The following CACNA1C variants were observed in gnomAD, a reference collection of about 807,000 sequenced individuals.
The protein encoded by CACNA1C is calcium voltage-gated channel subunit alpha1 C, also known as voltage-dependent L-type calcium channel subunit alpha-1C.
CACNA1C carries 30 observed loss-of-function variants against 229.0 expected under a neutral mutation model. That is an observed-to-expected ratio of 0.13 (90% CI 0.10 to 0.18). The LOEUF (loss-of-function observed/expected upper bound fraction) is 0.18, where lower values mean the gene tolerates loss of function less well. Among genes scored for constraint, CACNA1C ranks in the 10% least tolerant of loss-of-function variants. The pLI, the probability that CACNA1C is intolerant of heterozygous loss-of-function variation, is 1.00. For synonymous variants in CACNA1C, 1,114 were observed against 1,132.5 expected, an observed-to-expected ratio of 0.98 and a Z score of 0.33; for missense variants, 1,658 against 2,845.0, an observed-to-expected ratio of 0.58 and a Z score of 9.49.
At chr12:2,468,709 G>A (rs2099573561) in intron 5 of CACNA1C, among the ~76,000 whole-genome samples, 1 of 152,242 alleles carries the variant, frequency 6.6e-6, no homozygotes. Flanking sequence ...GGCAGGACCT[G>A]ATGGCAAATA....
intron 3 of CACNA1C, among the ~76,000 whole-genome samples, chr12:2,163,913 A>G (rs1399471619): frequency 1.3e-5 from 2 of 152,144 alleles, no homozygotes; most frequent in African/African-American, 2.4e-5. Flanking sequence ...AGCTGGAGTA[A>G]AAAGTTCACG....
intron 13 of CACNA1C, 106 bp downstream of exon 13, chr12:2,567,900 A>C (rs2052054642): frequency 3.1e-6 from 2 of 641,074 alleles, no homozygotes; most frequent in East Asian, 5.5e-5. Context: ...GTTCTTCCTC[A>C]AAGGGTGTCT....
intron 3 of CACNA1C, among the ~76,000 whole-genome samples, chr12:2,385,491 G>T (rs992033543): frequency 6.6e-6 from 1 of 152,084 alleles, no homozygotes; most frequent in Non-Finnish European, 1.5e-5. Flanking sequence ...CTACACCCAA[G>T]GGCAGCTAGG....
chr12:2,604,469 C>T (rs2074317004), intron 22 of CACNA1C, among the ~76,000 whole-genome samples: 1 of 152,114 alleles, frequency 6.6e-6, no homozygotes, highest in Non-Finnish European at 1.5e-5. Context: ...GAAATCTCCT[C>T]CCCATGACAT....
chr12:2,255,607 TGAC>T (rs1600903659), intron 3 of CACNA1C, among the ~76,000 whole-genome samples: 2 of 152,332 alleles, frequency 1.3e-5, no homozygotes, highest in East Asian at 3.9e-4. Flanking sequence ...ACTAAGTGTG[TGAC>T]AGTAAGCTGG....
In CACNA1C at chr12:2,300,437, A is replaced by G. The variant is rs377388555; in HGVS notation, c.478-148539A>G. 5.3e-5 allele frequency among the ~76,000 whole-genome samples: 8 copies of G among 152,230 alleles called. No homozygotes were observed. The South Asian group carries it at 1.5e-3, about 28-fold the overall frequency. ...GGAGTTTGAGACCAGCCTGGGCAACATGGTGAAATCCTGTCTCTACTAAAA... is the reference window on the plus strand; with the variant it reads ...GGAGTTTGAGACCAGCCTGGGCAACGTGGTGAAATCCTGTCTCTACTAAAA... On this transcript the variant is annotated intron_variant, in intron 3 of 46. Coordinates refer to ENST00000399655, the MANE Select transcript of CACNA1C (RefSeq NM_000719.7).
At chr12:2,174,764 T>G (rs1047507106) in intron 3 of CACNA1C, among the ~76,000 whole-genome samples, 1 of 152,256 alleles carries the variant, frequency 6.6e-6, no homozygotes, top group Non-Finnish European at 1.5e-5. Flanking sequence ...AAACAGTCGA[T>G]GAACACATAT....
chr12:2,650,299 G>T (rs1195924547), intron 31 of CACNA1C, among the ~76,000 whole-genome samples: 7 of 152,186 alleles, frequency 4.6e-5, no homozygotes, highest in Non-Finnish European at 8.8e-5. Flanking sequence ...CCTCATCAGG[G>T]TGGGCCAGAG....
chr12:2,183,836 G>GTAGAGAT (rs1272206892), intron 3 of CACNA1C, among the ~76,000 whole-genome samples: 22 of 152,350 alleles, frequency 1.4e-4, no homozygotes, highest in African/African-American at 4.8e-4. Flanking sequence ...CATCAGCTCT[G>GTAGAGAT]TCTCTAGAGG....
At chr12:2,158,110 A>G (rs1390266052) in intron 3 of CACNA1C, among the ~76,000 whole-genome samples, 3 of 152,240 alleles carry the variant, frequency 2.0e-5, no homozygotes, top group Non-Finnish European at 4.4e-5. Context: ...AGATAACTAC[A>G]AAAACAGAGG....
chr12:2,526,383 G>A (rs368493703), intron 9 of CACNA1C, among the ~76,000 whole-genome samples: 1 of 152,156 alleles, frequency 6.6e-6, no homozygotes, highest in African/African-American at 2.4e-5. Context: ...CAGTGCTCCC[G>A]GATTCCGTTT....
At chr12:2,306,290 C>T (rs888234706) in intron 3 of CACNA1C, among the ~76,000 whole-genome samples, 6 of 152,234 alleles carry the variant, frequency 3.9e-5, no homozygotes, top group African/African-American at 1.4e-4. Flanking sequence ...GATCAGCCCA[C>T]CTTCAGCCTG....
At chr12:2,625,799 T>G (rs2086133242) in intron 29 of CACNA1C, among the ~76,000 whole-genome samples, 1 of 151,636 alleles carries the variant, frequency 6.6e-6, no homozygotes, top group Non-Finnish European at 1.5e-5. Context: ...AAAAAAATTC[T>G]ATTTTTAAAT....
At chr12:2,531,250 C>T (rs1374852121) in intron 9 of CACNA1C, among the ~76,000 whole-genome samples, 1 of 152,202 alleles carries the variant, frequency 6.6e-6, no homozygotes, top group African/African-American at 2.4e-5. Flanking sequence ...CGAAAGCCTT[C>T]CCTCTTTCTC....
At chr12:2,236,045 C>T (rs766766414) in intron 3 of CACNA1C, among the ~76,000 whole-genome samples, 15 of 152,198 alleles carry the variant, frequency 9.9e-5, no homozygotes, top group South Asian at 2.1e-4. Context: ...TGGAGCTGGA[C>T]CAGGCAGTTT....
Position 2,639,707 on chromosome 12 carries a change from G to C in CACNA1C, c.3912+5327G>C, listed in dbSNP as rs1156322489. Among the ~76,000 whole-genome samples, 1 of 152,138 alleles carries C rather than the reference G, an allele frequency of 6.6e-6. No homozygotes were observed. Among genetic ancestry groups the C allele is most frequent in the African/African-American group, 2.4e-5 (1 of 41,426 alleles). ...TTCATTGCCCCCATTGCCTTGCTGG[G>C]TTCTGAGGTGGTGTTTCCTGTCATC... On this transcript the variant is annotated intron_variant, in intron 30 of 46. Transcript: ENST00000399655. This position sits in a 1 kb window ranked among gnomAD's most constrained non-coding sequence, Gnocchi z 4.2.
chr12:2,253,324 G>A (rs1371767188), intron 3 of CACNA1C, among the ~76,000 whole-genome samples: 1 of 152,156 alleles, frequency 6.6e-6, no homozygotes, highest in Non-Finnish European at 1.5e-5. Context: ...CAAGCTTTTG[G>A]TTTGATTTAA....
intron 3 of CACNA1C, among the ~76,000 whole-genome samples, chr12:2,249,635 A>T (rs1001081048): frequency 2.6e-5 from 4 of 152,188 alleles, no homozygotes; most frequent in African/African-American, 9.6e-5. Context: ...CACAGAGGTG[A>T]TGATTGTTCC....
intron 3 of CACNA1C, among the ~76,000 whole-genome samples, chr12:2,369,028 A>T (rs1483080094): frequency 2.0e-5 from 3 of 152,244 alleles, no homozygotes; most frequent in Non-Finnish European, 4.4e-5. Flanking sequence ...TAAAATTTTT[A>T]AAAATAAATG....
Sources: allele counts gnomAD v4.1 joint callset (sites outside exome capture counted in the v4.1 genomes callset), GRCh38; gene constraint gnomAD v4.1.1; non-coding constraint Gnocchi (gnomAD v3.1); transcripts MANE v1.5; gene names NCBI Gene and HGNC (gene_info 2026-07-23, HGNC 2026-07-21).